Variants in NBEA observed in about 807,000 individuals in gnomAD.
NBEA encodes lysosomal-trafficking regulator 2.
Under a neutral mutation model 343.4 loss-of-function variants are expected in NBEA, and 44 were observed. That is an observed-to-expected ratio of 0.13 (90% confidence interval 0.10 to 0.16). The LOEUF (loss-of-function observed/expected upper bound fraction) is 0.16, where lower values mean the gene tolerates loss of function less well. Among genes scored for constraint, NBEA ranks in the 10% least tolerant of loss-of-function variants. The probability of loss-of-function intolerance (pLI) is 1.00; values close to 1 mark genes in which losing one functional copy is unlikely to be tolerated. For missense variants in NBEA, 2,555 were observed against 3,631.3 expected, an observed-to-expected ratio of 0.70 and a Z score of 7.62; for synonymous variants, 1,175 against 1,238.7, an observed-to-expected ratio of 0.95 and a Z score of 1.08.
At chr13:34,994,568 A>T (rs1262266623) in intron 1 of NBEA, among the ~76,000 whole-genome samples, 4 of 152,168 alleles carry the variant, frequency 2.6e-5, no homozygotes, top group African/African-American at 9.7e-5. Flanking sequence ...TATTTTTCAG[A>T]TACAATTTAC....
chr13:35,316,560 A>G (rs141640261), intron 36 of NBEA, among the ~76,000 whole-genome samples: 1 of 152,222 alleles, frequency 6.6e-6, no homozygotes, highest in Admixed American at 6.5e-5. Flanking sequence ...ACAGTGCTGC[A>G]GTAAACATAT....
chr13:35,219,250 G>A (rs1453690432), intron 33 of NBEA, among the ~76,000 whole-genome samples: 3 of 151,886 alleles, frequency 2.0e-5, no homozygotes, highest in Non-Finnish European at 4.4e-5. Context: ...GATAAGCTCT[G>A]GCAGTGATTA....
intron 38 of NBEA, among the ~76,000 whole-genome samples, chr13:35,364,937 A>G (rs1292635494): frequency 6.6e-6 from 1 of 151,788 alleles, no homozygotes; most frequent in Non-Finnish European, 1.5e-5. Context: ...ACAGAGCTTT[A>G]AAAGCCAGTC....
intron 1 of NBEA, among the ~76,000 whole-genome samples, chr13:34,973,049 A>G (rs2060049430): frequency 6.6e-6 from 1 of 151,422 alleles, no homozygotes; most frequent in African/African-American, 2.4e-5. Flanking sequence ...TTTCCACAGG[A>G]CTGTTGCGGT....
At chr13:35,212,628 T>C (rs1274799001) in intron 33 of NBEA, among the ~76,000 whole-genome samples, 4 of 152,154 alleles carry the variant, frequency 2.6e-5, no homozygotes, top group Admixed American at 2.0e-4. Context: ...AAAGTGGTTG[T>C]ACTAGTTTAC....
chr13:35,074,714 G>A (rs970358404), intron 10 of NBEA, among the ~76,000 whole-genome samples: 1 of 152,038 alleles, frequency 6.6e-6, no homozygotes, highest in Non-Finnish European at 1.5e-5. Context: ...TATGTTTAAG[G>A]TATACAACAT....
At chr13:35,503,150 ATGT>A (rs1018022560) in intron 41 of NBEA, among the ~76,000 whole-genome samples, 3 of 151,920 alleles carry the variant, frequency 2.0e-5, no homozygotes, top group African/African-American at 4.8e-5. Context: ...AATGAATTAA[ATGT>A]TGTTGTGCTT....
At chr13:35,075,847 G>T (rs898504583) in intron 10 of NBEA, among the ~76,000 whole-genome samples, 1 of 151,900 alleles carries the variant, frequency 6.6e-6, no homozygotes, top group Admixed American at 6.6e-5. Flanking sequence ...ATATTTCAGC[G>T]TCTAACTGCC....
intron 1 of NBEA, among the ~76,000 whole-genome samples, chr13:35,000,031 A>G (rs1400013606): frequency 6.6e-6 from 1 of 152,168 alleles, no homozygotes; most frequent in East Asian, 1.9e-4. Flanking sequence ...GATTATCTGC[A>G]GCAAAATTGG....
rs1344207211 is a variant in NBEA at position 35,519,546 on chromosome 13, A to G, written c.6586-30931A>G. Among the ~76,000 whole-genome samples, 3 of 152,250 alleles carry G rather than the reference A, an allele frequency of 2.0e-5. No individual in the cohort carries two copies. In the East Asian group the frequency reaches 5.8e-4, roughly 29 times the overall value. On this transcript the variant is annotated intron_variant, in intron 41 of 58. Transcript: ENST00000379939. ...GAAATATTAGTTTCATTTATTTTTT[A>G]ACATAGTTTTGGCCTTGTAAATAGC...
At chr13:35,416,152 T>C (rs886129572) in intron 38 of NBEA, among the ~76,000 whole-genome samples, 57 of 152,184 alleles carry the variant, frequency 3.7e-4, no homozygotes, top group African/African-American at 1.3e-3. Flanking sequence ...GATGGGGTTT[T>C]CTAAATATAC....
rs2085415315 is a variant in NBEA, at chr13:35,667,487, A to C, written c.8578A>C (p.Ile2860Leu). The C allele has an allele frequency of 6.2e-7, 1 of 1,613,890 alleles. No homozygotes were observed. The highest frequency in any genetic ancestry group is 8.5e-7 in the Non-Finnish European group (1 of 1,179,890). The change falls in exon 57 of 59, where the codon ATA becomes CTA. Residue 2860 changes from isoleucine to leucine, a missense_variant. By Grantham distance (5) the Ile-to-Leu change is conservative. Coordinates refer to ENST00000379939, the MANE Select transcript of NBEA (RefSeq NM_001385012.1). ...ISVSSEGHCI[I>L]YYERGRFSNF... The stretch of plus-strand genomic sequence containing the variant: ...TGTCTCCAGCGAAGGCCACTGTATC[A>C]TATACTATGAACGAGGGCGATTCAG...
intron 41 of NBEA, among the ~76,000 whole-genome samples, chr13:35,527,915 C>T (rs1017787361): frequency 2.0e-5 from 3 of 152,180 alleles, no homozygotes; most frequent in African/African-American, 4.8e-5. Context: ...CTGCCTCTGC[C>T]ATCACTGGGA....
chr13:35,031,986 C>T lies in NBEA; in HGVS notation c.295-8947C>T, dbSNP rs2062240372. Among the ~76,000 whole-genome samples, 3 of 151,568 alleles carry T rather than the reference C, an allele frequency of 2.0e-5. No individual in the cohort carries two copies. The South Asian group carries it at 6.2e-4, about 31-fold the overall frequency. Reference sequence around the variant, plus strand: ...CCCCATAAGAGACATGGTATTGTTCCTTTTTATGGCTGCATAGTATTCCAT... The same window carrying T: ...CCCCATAAGAGACATGGTATTGTTCTTTTTTATGGCTGCATAGTATTCCAT... On this transcript the variant is annotated intron_variant, in intron 1 of 58. Transcript: ENST00000379939.
At chr13:35,648,960 G>A (rs1410181500) in intron 51 of NBEA, among the ~76,000 whole-genome samples, 2 of 152,058 alleles carry the variant, frequency 1.3e-5, no homozygotes, top group Non-Finnish European at 2.9e-5. Context: ...AAACCACCAT[G>A]GCACACGTTT....
intron 38 of NBEA, among the ~76,000 whole-genome samples, chr13:35,407,262 G>T (rs2043319889): frequency 6.6e-6 from 1 of 151,820 alleles, no homozygotes; most frequent in Admixed American, 6.6e-5. Context: ...ACTGCACCCG[G>T]CCTATTTTTT....
rs569421588 is a variant in NBEA at position 35,548,237 on chromosome 13, A to G, written c.6586-2240A>G. Among the ~76,000 whole-genome samples, 4 of 152,338 alleles carry G rather than the reference A, an allele frequency of 2.6e-5. No individual in the cohort carries two copies. The South Asian group carries it at 6.2e-4, about 24-fold the overall frequency. On this transcript the variant is annotated intron_variant, in intron 41 of 58. Transcript: ENST00000379939. ...GTGAATTTGCACATGGAAGGCCATA[A>G]ATGAATAATTGGCACAGTTTATAAA...
At chr13:35,520,299 G>A (rs1477889181) in intron 41 of NBEA, among the ~76,000 whole-genome samples, 2 of 152,038 alleles carry the variant, frequency 1.3e-5, no homozygotes, top group Non-Finnish European at 2.9e-5. Flanking sequence ...AATTTAACCT[G>A]GTGATTTGAT....
chr13:35,133,689 G>A (rs964542000), intron 17 of NBEA, among the ~76,000 whole-genome samples: 1 of 151,970 alleles, frequency 6.6e-6, no homozygotes, highest in Admixed American at 6.6e-5. Context: ...GCAAGTTGCA[G>A]AAGGATACAT....
Sources: gnomAD v4.1 joint callset for allele counts (sites outside exome capture counted in the v4.1 genomes callset) on GRCh38, gnomAD v4.1.1 for gene constraint, MANE v1.5 for transcripts, NCBI Gene and HGNC (gene_info 2026-07-23, HGNC 2026-07-21) for gene names.